The following NCBP1 variants were observed in gnomAD, a reference collection of about 807,000 sequenced individuals.
NCBP1 encodes nuclear cap binding protein subunit 1, also known as nuclear cap-binding protein subunit 1.
In NCBP1, 16 loss-of-function variants were observed where a neutral mutation model predicts 111.7. That is an observed-to-expected ratio of 0.14 (90% CI 0.10 to 0.22). The LOEUF (loss-of-function observed/expected upper bound fraction) is 0.22. NCBP1 is among the 10% of genes least tolerant of loss of function. The pLI is 1.00. For missense variants in NCBP1, 607 were observed against 957.5 expected (o/e 0.63, Z 4.83); for synonymous variants, 304 against 314.3 (o/e 0.97, Z 0.35).
chr9:97,663,386 C>T (rs1052987385), intron 18 of NCBP1, among the ~76,000 whole-genome samples: 5 of 152,188 alleles, frequency 3.3e-5, no homozygotes, highest in African/African-American at 9.6e-5. Context: ...AAATAAATTT[C>T]ATAAAACAGT....
rs1827876404 is a variant in NCBP1, at chr9:97,662,793, C to G, written c.1704-161C>G. ...TTGTGACAGCTTCCTTAAAAACTATCAATCTGTGATCACACTTTTTGCATC... is the reference window on the plus strand; with the variant it reads ...TTGTGACAGCTTCCTTAAAAACTATGAATCTGTGATCACACTTTTTGCATC... On this transcript the variant is annotated intron_variant, in intron 17 of 22. Transcript: ENST00000375147. 2.6e-5 allele frequency among the ~76,000 whole-genome samples: 4 copies of G among 152,208 alleles called. No homozygotes were observed. In the South Asian group the frequency reaches 8.3e-4, roughly 32 times the overall value.
intron 14 of NCBP1, 74 bp downstream of exon 14, chr9:97,656,159 G>T (rs1175784567): frequency 1.7e-6 from 2 of 1,198,646 alleles, no homozygotes; most frequent in East Asian, 2.4e-5. Context: ...TGTGATGTGT[G>T]TTCAGAATAT....
chr9:97,658,555 G>C, intron 14 of NCBP1, 85 bp from the exon 15 acceptor site: 1 of 1,016,304 alleles, frequency 9.8e-7, no homozygotes, highest in Non-Finnish European at 1.5e-6. Flanking sequence ...AGTTGTTGGA[G>C]ATCATGACTT....
Position 97,633,893 on chromosome 9 carries a change from G to A in NCBP1, c.12G>A (p.Arg4=). The A allele has an allele frequency of 6.3e-7, 1 of 1,589,130 alleles. No homozygotes were observed. The highest frequency in any genetic ancestry group is 8.5e-7 in the Non-Finnish European group (1 of 1,173,808). MSR[R]RHSDENDGGQ... is the part of the protein sequence containing the mutation. ...CACCGGAGGGCAGCATGTCGCGGCG[G>A]CGGCACAGCGACGAGAACGACGGTG... Residue 4 remains arginine, a synonymous_variant, in exon 1 of 23, where the codon CGG becomes CGA. Coordinates refer to ENST00000375147, the MANE Select transcript of NCBP1 (RefSeq NM_002486.5).
intron 5 of NCBP1, 87 bp downstream of exon 5, chr9:97,645,311 G>A (rs1264324293): frequency 9.6e-7 from 1 of 1,043,524 alleles, no homozygotes; most frequent in Non-Finnish European, 1.5e-6. Context: ...GGAATTTTTC[G>A]CTGATAACCC....
At chr9:97,634,129 C>T (rs1468348484) in intron 1 of NCBP1, among the ~76,000 whole-genome samples, 1 of 152,246 alleles carries the variant, frequency 6.6e-6, no homozygotes, top group East Asian at 1.9e-4. Context: ...AGGGCCGATC[C>T]TCGGGAAAGA....
At chr9:97,641,913 T>C (rs1344015586) in intron 3 of NCBP1, among the ~76,000 whole-genome samples, 1 of 152,110 alleles carries the variant, frequency 6.6e-6, no homozygotes, top group Non-Finnish European at 1.5e-5. Flanking sequence ...TTTATAGAGA[T>C]AGTAGATACT....
intron 19 of NCBP1, among the ~76,000 whole-genome samples, chr9:97,665,409 G>T (rs1306340905): frequency 6.6e-6 from 1 of 152,224 alleles, no homozygotes; most frequent in Non-Finnish European, 1.5e-5. Flanking sequence ...ATAGGGAAGT[G>T]TCACAGAGTG....
At position 97,668,917 on chromosome 9, in the gene NCBP1, G is replaced by A. The variant is rs1253678955; in HGVS notation, c.2088G>A (p.Gln696=). ...TTGAGGAACAAATAGAACGACTTCAGGAAAAAGTGGAATCTGCTCAGAGTG... is the reference window on the plus strand; with the variant it reads ...TTGAGGAACAAATAGAACGACTTCAAGAAAAAGTGGAATCTGCTCAGAGTG... The part of the protein sequence containing the change: ...GVLEEQIERL[Q]EKVESAQSEQ... The change falls in exon 21 of 23, where the codon CAG becomes CAA. Residue 696 remains glutamine, a synonymous_variant. Coordinates refer to ENST00000375147, the MANE Select transcript of NCBP1 (RefSeq NM_002486.5). 3.7e-6 allele frequency: 6 copies of A among 1,613,264 alleles called. No homozygotes were observed. Among genetic ancestry groups the A allele is most frequent in the Non-Finnish European group, 5.1e-6 (6 of 1,179,542 alleles).
At chr9:97,656,907 G>T (rs1216631935) in intron 14 of NCBP1, among the ~76,000 whole-genome samples, 1 of 152,186 alleles carries the variant, frequency 6.6e-6, no homozygotes, top group African/African-American at 2.4e-5. Flanking sequence ...AGGTGCTGCT[G>T]AAATTTTGCC....
At chr9:97,644,593 A>G (rs979859776) in intron 4 of NCBP1, among the ~76,000 whole-genome samples, 4 of 152,238 alleles carry the variant, frequency 2.6e-5, no homozygotes, top group Admixed American at 1.3e-4. Context: ...GCAATAGCAC[A>G]CTAAGCACAC....
chr9:97,669,709 A>G lies in NCBP1; in HGVS notation c.2259+3A>G. The stretch of plus-strand genomic sequence containing the variant: ...GGCTGCAGCAGATCTTCCTACAGGT[A>G]TGTGGGGAACTTCGATTAGGTAATA... On this transcript the variant is annotated splice_donor_region_variant and intron_variant, in intron 22 of 22. Transcript: ENST00000375147. The G allele has an allele frequency of 6.5e-7, 1 of 1,544,252 alleles. No individual in the cohort carries two copies. Among genetic ancestry groups the G allele is most frequent in the Non-Finnish European group, 9.0e-7 (1 of 1,116,512 alleles).
intron 14 of NCBP1, among the ~76,000 whole-genome samples, chr9:97,656,440 G>A (rs192939002): frequency 2.0e-5 from 3 of 152,300 alleles, no homozygotes; most frequent in East Asian, 1.9e-4. Context: ...TTTGCGAGGC[G>A]TGTTGGCGAA....
At chr9:97,664,488 T>C (rs777957872) in intron 19 of NCBP1, 45 bp downstream of exon 19, 5 of 1,312,884 alleles carry the variant, frequency 3.8e-6, no homozygotes, top group Non-Finnish European at 4.4e-6. Flanking sequence ...TAAGAATTGA[T>C]ATATGTGTGG....
intron 17 of NCBP1, 126 bp downstream of exon 17, chr9:97,662,270 G>A (rs976946740): frequency 1.2e-5 from 8 of 670,930 alleles, no homozygotes; most frequent in Admixed American, 2.7e-5. Flanking sequence ...TGGACACAGT[G>A]GGTTTGGGTT....
chr9:97,671,410 ATATAT>A lies in NCBP1; in HGVS notation c.*217_*221del, dbSNP rs1340823210. ...CGGCAGTAATGTGACTATGACCATGATATATTATATATGTGACAGATACAAATTCT... is the reference window on the plus strand; with the variant it reads ...CGGCAGTAATGTGACTATGACCATGATATATATGTGACAGATACAAATTCT... On this transcript the variant is annotated 3_prime_UTR_variant, in exon 23 of 23. Transcript: ENST00000375147. The A allele has an allele frequency of 1.0e-4, 51 of 489,554 alleles. No homozygotes were observed. The highest frequency in any genetic ancestry group is 1.7e-4 in the Non-Finnish European group (46 of 273,348). 30.3% of individuals were successfully genotyped at this position (489,554 alleles called of 1,614,324 possible).
Position 97,664,348 on chromosome 9 carries a change from T to C in NCBP1, c.1806T>C (p.Ala602=). 1.2e-6 allele frequency: 2 copies of C among 1,604,214 alleles called. No individual in the cohort carries two copies. Among genetic ancestry groups the C allele is most frequent in the Non-Finnish European group, 1.7e-6 (2 of 1,171,404 alleles). Residue 602 remains alanine, a synonymous_variant, in exon 19 of 23, where the codon GCT becomes GCC. Coordinates refer to ENST00000375147, the MANE Select transcript of NCBP1 (RefSeq NM_002486.5). ...TAATTCTCTCATTGTAGATGATTGC[T>C]GTACTAGTGGATAAGATGATTCGTA... ...EVWRNHPQMI[A]VLVDKMIRTQ...
At chr9:97,655,603 A>G (rs1353280068) in intron 12 of NCBP1, 99 bp from the exon 13 acceptor site, 2 of 889,042 alleles carry the variant, frequency 2.2e-6, no homozygotes, top group Non-Finnish European at 3.5e-6. Flanking sequence ...TTAACTCTGT[A>G]AAGTCGGGTT....
At chr9:97,669,546 A>G (rs755444827) in intron 21 of NCBP1, 47 bp from the exon 22 acceptor site, 5 of 1,361,940 alleles carry the variant, frequency 3.7e-6, no homozygotes, top group South Asian at 1.2e-5. Flanking sequence ...TTTCCAAAGT[A>G]TAAGATTCTG....
Sources: gnomAD v4.1 joint callset for allele counts (sites outside exome capture counted in the v4.1 genomes callset) on GRCh38, gnomAD v4.1.1 for gene constraint, MANE v1.5 for transcripts, NCBI Gene and HGNC (gene_info 2026-07-23, HGNC 2026-07-21) for gene names.